ELOVL6: variants seen among roughly 807,000 people sequenced by gnomAD.
The protein encoded by ELOVL6 is ELOVL fatty acid elongase 6.
Under a neutral mutation model 31.7 loss-of-function variants are expected in ELOVL6, and 8 were observed. The ratio of observed to expected loss-of-function variants is 0.25; its 90% CI spans 0.15 to 0.45. The LOEUF is 0.45. Among genes scored for constraint, ELOVL6 ranks in the 20% least tolerant of loss-of-function variants. ELOVL6 has a pLI of 1.00. For synonymous variants in ELOVL6, 101 were observed against 117.7 expected (o/e 0.86, Z 0.92); for missense variants, 126 against 326.4 (o/e 0.39, Z 4.73).
intron 2 of ELOVL6, among the ~76,000 whole-genome samples, chr4:110,084,172 T>C (rs1447771121): frequency 9.1e-6 from 1 of 109,536 alleles, no homozygotes; most frequent in Non-Finnish European, 1.8e-5. Context: ...ATGTGATATA[T>C]ATGATATATA....
intron 1 of ELOVL6, among the ~76,000 whole-genome samples, chr4:110,167,492 T>G (rs1006400125): frequency 2.2e-4 from 33 of 152,130 alleles, no homozygotes; most frequent in African/African-American, 8.0e-4. Flanking sequence ...TAAAGGATGT[T>G]TTTTTGGTTG....
At chr4:110,141,924 T>C (rs1166746437) in intron 1 of ELOVL6, among the ~76,000 whole-genome samples, 4 of 147,720 alleles carry the variant, frequency 2.7e-5, no homozygotes, top group Non-Finnish European at 4.5e-5. Flanking sequence ...TATACATATA[T>C]ACTCACCAAG....
chr4:110,169,184 G>A (rs1206411800), intron 1 of ELOVL6, among the ~76,000 whole-genome samples: 1 of 150,968 alleles, frequency 6.6e-6, no homozygotes, highest in Non-Finnish European at 1.5e-5. Flanking sequence ...CAAAGTGCTA[G>A]AATTACAGGT....
intron 2 of ELOVL6, among the ~76,000 whole-genome samples, chr4:110,080,433 C>T (rs1755803230): frequency 6.6e-6 from 1 of 152,182 alleles, no homozygotes. Context: ...AAGGCTGGTT[C>T]AGCATACGCA....
intron 2 of ELOVL6, among the ~76,000 whole-genome samples, chr4:110,095,441 C>G (rs1482263103): frequency 4.7e-5 from 7 of 149,420 alleles, no homozygotes; most frequent in Non-Finnish European, 8.9e-5. Flanking sequence ...TAGATCGCAC[C>G]ACTGCATTCC....
At chr4:110,170,309 C>T (rs1758906780) in intron 1 of ELOVL6, among the ~76,000 whole-genome samples, 1 of 152,120 alleles carries the variant, frequency 6.6e-6, no homozygotes, top group African/African-American at 2.4e-5. Context: ...ATGCAAAAAA[C>T]AAGATAAAGG....
chr4:110,055,111 A>T (rs555176726), intron 3 of ELOVL6, among the ~76,000 whole-genome samples: 39 of 152,254 alleles, frequency 2.6e-4, no homozygotes, highest in African/African-American at 9.4e-4. Flanking sequence ...GAGCTAACCA[A>T]GTCCTCTCAC....
intron 1 of ELOVL6, among the ~76,000 whole-genome samples, chr4:110,148,285 C>T (rs558130173): frequency 2.6e-5 from 4 of 152,046 alleles, no homozygotes; most frequent in Admixed American, 2.0e-4. Flanking sequence ...CATCTTATAC[C>T]AATCAGAATG....
At chr4:110,070,132 A>T (rs557391554) in intron 2 of ELOVL6, among the ~76,000 whole-genome samples, 2 of 152,120 alleles carry the variant, frequency 1.3e-5, no homozygotes, top group African/African-American at 4.8e-5. Flanking sequence ...TCTTCACTCA[A>T]CTATGGAAGA....
At chr4:110,132,535 G>T (rs1054240976) in intron 1 of ELOVL6, among the ~76,000 whole-genome samples, 19 of 151,862 alleles carry the variant, frequency 1.3e-4, no homozygotes, top group African/African-American at 4.4e-4. Context: ...AGAAGAAGTG[G>T]CCTTTTAGAG....
intron 1 of ELOVL6, among the ~76,000 whole-genome samples, chr4:110,179,588 T>A (rs909145486): frequency 6.6e-6 from 1 of 152,122 alleles, no homozygotes; most frequent in African/African-American, 2.4e-5. Context: ...CATTTTCACA[T>A]GAAAAAATAC....
intron 1 of ELOVL6, among the ~76,000 whole-genome samples, chr4:110,150,068 TTTTTAG>T (rs1006555934): frequency 1.3e-5 from 2 of 152,168 alleles, no homozygotes; most frequent in African/African-American, 4.8e-5. Context: ...ATGCATTTTA[TTTTTAG>T]TTTTAGTTTT....
chr4:110,108,248 T>C (rs1756939023), intron 1 of ELOVL6, among the ~76,000 whole-genome samples: 1 of 152,184 alleles, frequency 6.6e-6, no homozygotes, highest in Non-Finnish European at 1.5e-5. Context: ...ATCTTACCCA[T>C]TCAACATAAT....
intron 2 of ELOVL6, among the ~76,000 whole-genome samples, chr4:110,060,321 G>A (rs1177977099): frequency 6.6e-6 from 1 of 152,154 alleles, no homozygotes. Flanking sequence ...ATGTCAGAAT[G>A]AGACTCCTTC....
At chr4:110,131,668 C>T (rs1757673407) in intron 1 of ELOVL6, among the ~76,000 whole-genome samples, 1 of 152,126 alleles carries the variant, frequency 6.6e-6, no homozygotes, top group Non-Finnish European at 1.5e-5. Context: ...TCCTCTAGGT[C>T]CTGTGGGGGT....
intron 1 of ELOVL6, among the ~76,000 whole-genome samples, chr4:110,161,273 G>A (rs746315841): frequency 6.6e-6 from 1 of 152,148 alleles, no homozygotes; most frequent in Non-Finnish European, 1.5e-5. Flanking sequence ...AGTCCATAGA[G>A]TAAGATACAA....
rs184007771 is a variant in ELOVL6 at position 110,152,308 on chromosome 4, A to G, written c.89+45939T>C. ...CGATCAGAGACAAAATGATTGAGGAAAAAACCCATCTATCACGGTAGAGTC... is the reference window on the plus strand; with the variant it reads ...CGATCAGAGACAAAATGATTGAGGAGAAAACCCATCTATCACGGTAGAGTC... On this transcript the variant is annotated intron_variant, in intron 1 of 3. Coordinates refer to ENST00000302274, the MANE Select transcript of ELOVL6 (RefSeq NM_024090.3). 1.2e-3 allele frequency among the ~76,000 whole-genome samples: 177 copies of G among 152,344 alleles called. 1 individual carries two copies. The highest frequency in any genetic ancestry group is 2.3e-3 in the Non-Finnish European group (157 of 68,038).
chr4:110,084,375 T>C lies in ELOVL6; in HGVS notation c.221+21122A>G, dbSNP rs948871148. Among the ~76,000 whole-genome samples, 6 of 121,748 alleles carry C rather than the reference T, an allele frequency of 4.9e-5. 3 individuals carry two copies. Among genetic ancestry groups the C allele is most frequent in the Non-Finnish European group, 9.5e-5 (6 of 63,088 alleles). The allele number at this position is 121,748 out of a possible 152,430, so 79.9% of individuals were successfully genotyped here. A position where few individuals can be genotyped will look rare whatever the true frequency, so the allele number is the denominator to read the frequency against. On this transcript the variant is annotated intron_variant, in intron 2 of 3. Coordinates refer to ENST00000302274, the MANE Select transcript of ELOVL6 (RefSeq NM_024090.3). ...TGATATATACCGCATATATGATATA[T>C]GATATATATCGCATATATGATATAT...
At chr4:110,167,664 T>C (rs1758816596) in intron 1 of ELOVL6, among the ~76,000 whole-genome samples, 2 of 138,050 alleles carry the variant, frequency 1.4e-5, no homozygotes, top group South Asian at 4.5e-4. Flanking sequence ...TATGTATGTA[T>C]GTATGTATGT....
Sources: allele counts gnomAD v4.1 joint callset (sites outside exome capture counted in the v4.1 genomes callset), GRCh38; gene constraint gnomAD v4.1.1; transcripts MANE v1.5; gene names NCBI Gene and HGNC (gene_info 2026-07-23, HGNC 2026-07-21).